Variants in TRIM52 observed in about 807,000 individuals in gnomAD.
The protein encoded by TRIM52 is tripartite motif containing 52.
TRIM52 carries 24 observed loss-of-function variants against 27.0 expected under a neutral mutation model. The observed-to-expected ratio is 0.89, with a 90% CI of 0.64 to 1.25. The LOEUF is 1.25. Ranked by LOEUF, TRIM52 falls within the 50% of genes most tolerant of loss-of-function variation. The probability of loss-of-function intolerance (pLI) is 0.00; values close to 1 mark genes in which losing one functional copy is unlikely to be tolerated. For synonymous variants in TRIM52, 125 were observed against 126.5 expected, an observed-to-expected ratio of 0.99 and a Z score of 0.08; for missense variants, 351 against 354.7, an observed-to-expected ratio of 0.99 and a Z score of 0.08.
In TRIM52 at chr5:181,260,442, C is replaced by T; in HGVS notation, c.372G>A (p.Glu124=). ...CCTGATCTTCCTCTTCTTCTTCTTC[C>T]TCCTCGTCCCACATATAGTCTACGT... ...WDNVDYMWDE[E]EEEEEEDQDY... The change falls in exon 1 of 2, where the codon GAG becomes GAA. Residue 124 remains glutamate, a synonymous_variant. Transcript: ENST00000688015. This position sits in a 1 kb window ranked among gnomAD's most constrained non-coding sequence, Gnocchi z 4.4. 1 of 1,614,002 alleles carries T rather than the reference C, an allele frequency of 6.2e-7. No homozygotes were observed. Among genetic ancestry groups the T allele is most frequent in the South Asian group, 1.1e-5 (1 of 91,050 alleles).
At chr5:181,253,035 C>CTT (rs537636866), downstream of TRIM52, among the ~76,000 whole-genome samples, 1,027 of 134,666 alleles carry the variant, frequency 7.6e-3, 32 homozygotes, top group African/African-American at 0.028. Flanking sequence ...ACTCAGGGTA[C>CTT]TTTTTTTTTT....
chr5:181,250,589 TGTCAAA>T (rs890617421), downstream of TRIM52, among the ~76,000 whole-genome samples: 1 of 151,902 alleles, frequency 6.6e-6, no homozygotes, highest in Non-Finnish European at 1.5e-5. Flanking sequence ...CTAGCCTCCT[TGTCAAA>T]GGATTTAAAG....
At chr5:181,259,092 G>C (rs1759917736) in intron 1 of TRIM52, 1 of 152,216 alleles carries the variant, frequency 6.6e-6, no homozygotes, top group African/African-American at 2.4e-5. Context: ...TTGTCATTGA[G>C]ACAATTATCT....
Position 181,260,771 on chromosome 5 carries a change from G to T in TRIM52, c.43C>A (p.Gln15Lys). 2 of 1,611,568 alleles carry T rather than the reference G, an allele frequency of 1.2e-6. No homozygotes were observed. Among genetic ancestry groups the T allele is most frequent in the Non-Finnish European group, 1.7e-6 (2 of 1,178,270 alleles). The change falls in exon 1 of 2, where the codon CAG becomes AAG. Residue 15 changes from glutamine to lysine, a missense_variant. Coordinates refer to ENST00000688015, the MANE Select transcript of TRIM52 (RefSeq NM_001346048.2). The surrounding 1 kb of genome is among the most constrained non-coding windows in gnomAD (Gnocchi z 4.4). ...ATTPSPMQTLQEEAVCAICLD... is the reference protein window; with the variant it reads ...ATTPSPMQTLKEEAVCAICLD... ...CAGATGGCACACACCGCTTCCTCCT[G>T]AAGGGTCTGCATGGGGCTGGGAGTA... is the stretch of plus-strand genomic sequence containing the variant.
chr5:181,255,141 C>T (rs1759723569), downstream of TRIM52: 1 of 152,104 alleles, frequency 6.6e-6, no homozygotes, highest in South Asian at 2.1e-4. Flanking sequence ...TTAATGAAAG[C>T]AGTAGTAATT....
At chr5:181,257,452 C>T in intron 1 of TRIM52, 2 of 1,613,088 alleles carry the variant, frequency 1.2e-6, no homozygotes, top group Non-Finnish European at 1.7e-6. Flanking sequence ...CTTTCTTGCT[C>T]TATCTGAAGT....
Position 181,260,411 on chromosome 5 carries a change from A to G in TRIM52, c.403T>C (p.Tyr135His). 6.3e-7 allele frequency: 1 copy of G among 1,599,152 alleles called. No individual in the cohort carries two copies. Among genetic ancestry groups the G allele is most frequent in the Non-Finnish European group, 8.5e-7 (1 of 1,178,788 alleles). Residue 135 changes from tyrosine to histidine, a missense_variant, in exon 1 of 2, where the codon TAC becomes CAC. Tyr to His is a moderately conservative substitution (Grantham distance 83, BLOSUM62 2). Coordinates refer to ENST00000688015, the MANE Select transcript of TRIM52 (RefSeq NM_001346048.2). This position sits in a 1 kb window ranked among gnomAD's most constrained non-coding sequence, Gnocchi z 4.4. ...AGGTCAGGTCTCAAGCCTCCTAGGT[A>G]ATAGTCCTGATCTTCCTCTTCTTCT... ...EEEEEEDQDY[Y>H]LGGLRPDLRI...
downstream of TRIM52, among the ~76,000 whole-genome samples, chr5:181,249,660 G>A (rs1347797022): frequency 6.6e-6 from 1 of 151,270 alleles, no homozygotes; most frequent in Non-Finnish European, 1.5e-5. Context: ...TGGGTGACAG[G>A]GTAAGATCCT....
chr5:181,260,407 AG>A lies in TRIM52; in HGVS notation c.406del (p.Leu136Ter). ...TCTCAGGTCAGGTCTCAAGCCTCCTAGGTAATAGTCCTGATCTTCCTCTTCT... is the reference window on the plus strand; with the variant it reads ...TCTCAGGTCAGGTCTCAAGCCTCCTAGTAATAGTCCTGATCTTCCTCTTCT... ...EEEEEDQDYYLGGLRPDLRID... is the reference protein window; with the variant it reads ...EEEEEDQDYYXGGLRPDLRID... On this transcript the variant is annotated frameshift_variant, in exon 1 of 2. Coordinates refer to ENST00000688015, the MANE Select transcript of TRIM52 (RefSeq NM_001346048.2). LOFTEE classifies it high-confidence loss of function. This position sits in a 1 kb window ranked among gnomAD's most constrained non-coding sequence, Gnocchi z 4.4. 1.2e-6 allele frequency: 2 copies of A among 1,605,872 alleles called. No individual in the cohort carries two copies. Among genetic ancestry groups the A allele is most frequent in the Non-Finnish European group, 1.7e-6 (2 of 1,179,436 alleles).
rs777941844 is a variant in TRIM52, at chr5:181,260,525, G to A, written c.289C>T (p.Gln97Ter). Residue 97 changes from glutamine to a stop codon, truncating the protein, a stop_gained, in exon 1 of 2, where the codon CAA becomes TAA. Transcript: ENST00000688015. LOFTEE classifies it high-confidence loss of function. The surrounding 1 kb of genome is among the most constrained non-coding windows in gnomAD (Gnocchi z 4.4). ...CAGAGTTCATCGTCATCTTGGTCTTGGAACAACTCTTCGTCAGCATTCCCC... is the reference window on the plus strand; with the variant it reads ...CAGAGTTCATCGTCATCTTGGTCTTAGAACAACTCTTCGTCAGCATTCCCC... ...YRGNADEELFQDQDDDELWLG... is the reference protein window; with the variant it reads ...YRGNADEELF 1 of 1,613,700 alleles carries A rather than the reference G, an allele frequency of 6.2e-7. No individual in the cohort carries two copies. Among genetic ancestry groups the A allele is most frequent in the South Asian group, 1.1e-5 (1 of 91,024 alleles).
chr5:181,259,606 T>C (rs1759941439), intron 1 of TRIM52: 2 of 273,940 alleles, frequency 7.3e-6, no homozygotes, highest in South Asian at 4.2e-5. Flanking sequence ...GTCTATTATC[T>C]CCAAGTACTG....
chr5:181,260,350 T>TC lies in TRIM52; in HGVS notation c.463dup (p.Glu155GlyfsTer5), dbSNP rs745741278. ...TTCATCTTCGTCCTCATCGTATGCT[T>TC]CCAGTATTTCTTCTTCTCGGTAGAC... On this transcript the variant is annotated frameshift_variant, in exon 1 of 2. Coordinates refer to ENST00000688015, the MANE Select transcript of TRIM52 (RefSeq NM_001346048.2). LOFTEE classifies it high-confidence loss of function. This position sits in a 1 kb window ranked among gnomAD's most constrained non-coding sequence, Gnocchi z 4.4. 1.2e-6 allele frequency: 2 copies of TC among 1,614,022 alleles called. No homozygotes were observed. Among genetic ancestry groups the TC allele is most frequent in the South Asian group, 2.2e-5 (2 of 91,050 alleles).
At chr5:181,257,100 C>A in intron 1 of TRIM52, 1 of 1,039,676 alleles carries the variant, frequency 9.6e-7, no homozygotes, top group Non-Finnish European at 1.2e-6. Flanking sequence ...TTTTTATACA[C>A]CCGTCTGCTT....
chr5:181,257,334 T>A, intron 1 of TRIM52: 1 of 1,472,992 alleles, frequency 6.8e-7, no homozygotes, highest in Non-Finnish European at 9.1e-7. Context: ...ACTGTCCTGG[T>A]TATGCAATAG....
Position 181,256,304 on chromosome 5 carries a change from T to C in TRIM52, c.*505A>G, listed in dbSNP as rs996081162. On this transcript the variant is annotated 3_prime_UTR_variant, in exon 2 of 2. Transcript: ENST00000688015. ...ACAGTTTTGAAAGCCTTATTCTGAATGTAAGCAAAGTACAGTTTTCTTCAT... is the reference window on the plus strand; with the variant it reads ...ACAGTTTTGAAAGCCTTATTCTGAACGTAAGCAAAGTACAGTTTTCTTCAT... 1 of 152,048 alleles carries C rather than the reference T, an allele frequency of 6.6e-6. No individual in the cohort carries two copies. The highest frequency in any genetic ancestry group is 1.5e-5 in the Non-Finnish European group (1 of 68,030). 9.4% of individuals were successfully genotyped at this position (152,048 alleles called of 1,614,324 possible).
At position 181,256,218 on chromosome 5, in the gene TRIM52, T is replaced by TA. The variant is rs1759770017; in HGVS notation, c.*590dup. On this transcript the variant is annotated 3_prime_UTR_variant, in exon 2 of 2. Transcript: ENST00000688015. The stretch of plus-strand genomic sequence containing the variant: ...ATTTCCTCCAACTCGGTTCATTTGA[T>TA]ACAGCTGCAAAAATACTGTCTTTGG... 1 of 152,220 alleles carries TA rather than the reference T, an allele frequency of 6.6e-6. No homozygotes were observed. Among genetic ancestry groups the TA allele is most frequent in the South Asian group, 2.1e-4 (1 of 4,830 alleles). 9.4% of individuals were successfully genotyped at this position (152,220 alleles called of 1,614,324 possible).
In TRIM52 at chr5:181,260,640, C is replaced by G; in HGVS notation, c.174G>C (p.Glu58Asp). Reference sequence around the variant, plus strand: ...CCTCCTCCTCCCATTCATCTTCCTCCTCGTTCTGGTCCTCCTCGTCCTCCT... The same window carrying G: ...CCTCCTCCTCCCATTCATCTTCCTCGTCGTTCTGGTCCTCCTCGTCCTCCT... ...WSKEDEEDQN[E>D]EEDEWEEEED... Residue 58 changes from glutamate to aspartate, a missense_variant, in exon 1 of 2, where the codon GAG becomes GAC. Physicochemically the swap from Glu to Asp is conservative, Grantham distance 45. Transcript: ENST00000688015. The surrounding 1 kb of genome is among the most constrained non-coding windows in gnomAD (Gnocchi z 4.4). The G allele has an allele frequency of 6.2e-7, 1 of 1,613,982 alleles. No homozygotes were observed. Among genetic ancestry groups the G allele is most frequent in the Admixed American group, 1.7e-5 (1 of 59,992 alleles).
chr5:181,260,049 G>C lies in TRIM52; in HGVS notation c.765C>G (p.His255Gln), dbSNP rs746061401. 1.9e-6 allele frequency: 3 copies of C among 1,614,028 alleles called. No homozygotes were observed. Among genetic ancestry groups the C allele is most frequent in the Non-Finnish European group, 1.7e-6 (2 of 1,180,048 alleles). The change falls in exon 1 of 2, where the codon CAC becomes CAG. Residue 255 changes from histidine to glutamine, a missense_variant. His to Gln is a conservative substitution (Grantham distance 24). Transcript: ENST00000688015. The surrounding 1 kb of genome is among the most constrained non-coding windows in gnomAD (Gnocchi z 4.4). The part of the protein sequence containing the change: ...ICVVCRESRS[H>Q]KQHSVLPLEE... ...CCAAAGGCAGCACGCTGTGCTGTTT[G>C]TGGCTCCTGGATTCTCGGCACACCA...
At position 181,255,259 on chromosome 5, in the gene TRIM52, T is replaced by G. The variant is rs1393443579; in HGVS notation, c.*1550A>C. 1 of 152,366 alleles carries G rather than the reference T, an allele frequency of 6.6e-6. No individual in the cohort carries two copies. The highest frequency in any genetic ancestry group is 1.9e-4 in the East Asian group (1 of 5,190). 9.4% of individuals were successfully genotyped at this position (152,366 alleles called of 1,614,324 possible). On this transcript the variant is annotated 3_prime_UTR_variant, in exon 2 of 2. Transcript: ENST00000688015. Reference sequence around the variant, plus strand: ...GGTGCAAGAAAACACAAGCTGCTTTTAATAACACTCTTGCACTGCTTTCTC... The same window carrying G: ...GGTGCAAGAAAACACAAGCTGCTTTGAATAACACTCTTGCACTGCTTTCTC...
Sources: gnomAD v4.1 joint callset for allele counts (sites outside exome capture counted in the v4.1 genomes callset) on GRCh38, gnomAD v4.1.1 for gene constraint, Gnocchi (gnomAD v3.1) non-coding constraint, MANE v1.5 for transcripts, NCBI Gene and HGNC (gene_info 2026-07-23, HGNC 2026-07-21) for gene names.